Variants in SNTG1 observed in about 807,000 individuals in gnomAD.
The protein encoded by SNTG1 is syntrophin gamma 1.
In SNTG1, 39 loss-of-function variants were observed where a neutral mutation model predicts 74.7. The ratio of observed to expected loss-of-function variants is 0.52; its 90% CI spans 0.40 to 0.68. The LOEUF (loss-of-function observed/expected upper bound fraction) is 0.68, where lower values mean the gene tolerates loss of function less well. SNTG1 is among the 30% of genes least tolerant of loss of function. The pLI, the probability that SNTG1 is intolerant of heterozygous loss-of-function variation, is 0.00. For synonymous variants in SNTG1, 254 were observed against 217.1 expected, an observed-to-expected ratio of 1.17 and a Z score of -1.49; for missense variants, 685 against 609.5, an observed-to-expected ratio of 1.12 and a Z score of -1.30.
chr8:50,363,366 G>T (rs2092015440), intron 2 of SNTG1, among the ~76,000 whole-genome samples: 1 of 152,156 alleles, frequency 6.6e-6, no homozygotes, highest in Non-Finnish European at 1.5e-5. Context: ...CCTATGTGCA[G>T]GTAGTGGCAG....
chr8:50,753,628 T>C (rs1461082367), intron 18 of SNTG1, among the ~76,000 whole-genome samples: 4 of 151,976 alleles, frequency 2.6e-5, no homozygotes, highest in Non-Finnish European at 4.4e-5. Context: ...TTAATTATAC[T>C]GACAAGTATA....
intron 1 of SNTG1, among the ~76,000 whole-genome samples, chr8:50,044,511 T>C (rs1190480873): frequency 6.6e-6 from 1 of 152,222 alleles, no homozygotes; most frequent in Non-Finnish European, 1.5e-5. Context: ...GATCATTCTC[T>C]ACTGGGGCAT....
intron 17 of SNTG1, among the ~76,000 whole-genome samples, chr8:50,730,564 T>A (rs541968774): frequency 6.6e-6 from 1 of 152,276 alleles, no homozygotes; most frequent in East Asian, 1.9e-4. Context: ...TTTGCAGACG[T>A]GATATAACCT....
chr8:50,360,457 G>T (rs939472292), intron 2 of SNTG1, among the ~76,000 whole-genome samples: 1 of 152,126 alleles, frequency 6.6e-6, no homozygotes, highest in African/African-American at 2.4e-5. Flanking sequence ...GTGTGGGTGG[G>T]TTATCACTAA....
intron 1 of SNTG1, among the ~76,000 whole-genome samples, chr8:50,167,634 GAAA>G (rs759426683): frequency 1.5e-5 from 2 of 132,914 alleles, no homozygotes; most frequent in East Asian, 4.3e-4. Context: ...TCATCGCTAC[GAAA>G]AAAAAAAAAA....
intron 2 of SNTG1, among the ~76,000 whole-genome samples, chr8:50,241,937 A>G (rs1415217159): frequency 6.6e-6 from 1 of 151,974 alleles, no homozygotes; most frequent in African/African-American, 2.4e-5. Context: ...CTCACTGCAA[A>G]CACTAAACCT....
chr8:50,790,644 G>T (rs2095688226), intron 18 of SNTG1, among the ~76,000 whole-genome samples: 1 of 151,850 alleles, frequency 6.6e-6, no homozygotes, highest in Admixed American at 6.6e-5. Flanking sequence ...AGATGTGTGG[G>T]CATTGTAATG....
chr8:50,183,915 C>T (rs1241009517), intron 2 of SNTG1, among the ~76,000 whole-genome samples: 3 of 152,132 alleles, frequency 2.0e-5, no homozygotes, highest in Non-Finnish European at 2.9e-5. Flanking sequence ...AAAAAAATTA[C>T]TTATCTATTA....
intron 2 of SNTG1, among the ~76,000 whole-genome samples, chr8:50,185,879 G>A (rs1423235679): frequency 6.6e-6 from 1 of 151,618 alleles, no homozygotes; most frequent in Non-Finnish European, 1.5e-5. Flanking sequence ...TGCAGAAAGT[G>A]CAGGTTTGTT....
intron 1 of SNTG1, among the ~76,000 whole-genome samples, chr8:50,139,861 A>C (rs2081598716): frequency 1.3e-5 from 2 of 152,244 alleles, no homozygotes; most frequent in Non-Finnish European, 2.9e-5. Flanking sequence ...GAACATTTGC[A>C]GAAAGATTCA....
At chr8:50,144,171 A>C (rs2131487845) in intron 1 of SNTG1, among the ~76,000 whole-genome samples, 1 of 152,356 alleles carries the variant, frequency 6.6e-6, no homozygotes, top group Middle Eastern at 3.4e-3. Context: ...TTTGAAAAAC[A>C]CTACTTCAAG....
chr8:50,692,167 C>T (rs535764004), intron 15 of SNTG1, among the ~76,000 whole-genome samples: 1 of 152,116 alleles, frequency 6.6e-6, no homozygotes, highest in African/African-American at 2.4e-5. Flanking sequence ...TTTTTCAAAG[C>T]TTTTAACTTC....
At chr8:50,475,202 ATG>A (rs2093687189) in intron 8 of SNTG1, among the ~76,000 whole-genome samples, 3 of 151,674 alleles carry the variant, frequency 2.0e-5, no homozygotes, top group African/African-American at 7.3e-5. Context: ...CGTTGTGCAT[ATG>A]TACCCTAAAA....
chr8:50,345,862 G>T (rs1365193714), intron 2 of SNTG1, among the ~76,000 whole-genome samples: 4 of 152,022 alleles, frequency 2.6e-5, no homozygotes. Context: ...CATTTTGACT[G>T]CATTTATCTG....
At chr8:50,038,958 C>T (rs1473146278) in intron 1 of SNTG1, among the ~76,000 whole-genome samples, 6 of 152,174 alleles carry the variant, frequency 3.9e-5, no homozygotes, top group Non-Finnish European at 7.3e-5. Flanking sequence ...AGACTTCATC[C>T]GTGGTGGTGT....
At chr8:50,272,032 C>T (rs1160946395) in intron 2 of SNTG1, among the ~76,000 whole-genome samples, 2 of 152,072 alleles carry the variant, frequency 1.3e-5, no homozygotes, top group Admixed American at 1.3e-4. Flanking sequence ...GCAGCCCTCA[C>T]CAGATATCGA....
chr8:50,484,571 T>C (rs1168258148), intron 8 of SNTG1, among the ~76,000 whole-genome samples: 1 of 151,206 alleles, frequency 6.6e-6, no homozygotes, highest in Non-Finnish European at 1.5e-5. Flanking sequence ...GTATAAGAAA[T>C]ATGCAGGGCC....
At chr8:50,005,072 T>C (rs982186637) in intron 1 of SNTG1, among the ~76,000 whole-genome samples, 1 of 152,140 alleles carries the variant, frequency 6.6e-6, no homozygotes, top group Non-Finnish European at 1.5e-5. Flanking sequence ...GTCATGTATG[T>C]TTTTGTATTA....
At chr8:49,973,810 T>C (rs7840320) in intron 1 of SNTG1, among the ~76,000 whole-genome samples, 7,457 of 152,262 alleles carry the variant, frequency 0.049, 606 homozygotes, top group African/African-American at 0.17. Flanking sequence ...ATGATAAATT[T>C]GGATACCATT....
Sources: allele counts gnomAD v4.1 joint callset (sites outside exome capture counted in the v4.1 genomes callset), GRCh38; gene constraint gnomAD v4.1.1; transcripts MANE v1.5; gene names NCBI Gene and HGNC (gene_info 2026-07-23, HGNC 2026-07-21).